Variants in PARP2 observed in about 807,000 individuals in gnomAD.
PARP2 encodes poly [ADP-ribose] polymerase 2.
A neutral mutation model predicts 77.8 loss-of-function variants in PARP2; 57 were observed. The observed-to-expected ratio is 0.73, with a 90% CI of 0.59 to 0.91. PARP2 has a LOEUF of 0.91. Among genes scored for constraint, PARP2 ranks in the 40% least tolerant of loss-of-function variants. The probability of loss-of-function intolerance (pLI) is 0.00; values close to 1 mark genes in which losing one functional copy is unlikely to be tolerated. For missense variants in PARP2, 651 were observed against 689.0 expected (o/e 0.94, Z 0.62); for synonymous variants, 226 against 242.6 (o/e 0.93, Z 0.64).
At position 20,356,613 on chromosome 14, in the gene PARP2, G is replaced by A; in HGVS notation, c.1253G>A (p.Arg418Lys). 6.2e-7 allele frequency: 1 copy of A among 1,614,116 alleles called. No individual in the cohort carries two copies. The highest frequency in any genetic ancestry group is 1.1e-5 in the South Asian group (1 of 91,074). The change falls in exon 13 of 16, where the codon AGG (arginine) becomes AAG (lysine). Residue 418 changes from arginine to lysine, a missense_variant. Transcript: ENST00000429687. ...HNRMLLWHGS[R>K]MSNWVGILSH... ...AGGATGCTTCTATGGCATGGTTCCA[G>A]GATGAGTAACTGGGTGGGAATCTTG...
intron 4 of PARP2, among the ~76,000 whole-genome samples, chr14:20,348,757 C>T (rs541210507): frequency 3.5e-4 from 54 of 152,146 alleles, no homozygotes; most frequent in Admixed American, 1.1e-3. Context: ...CAGTGGCTCA[C>T]GCCTGTAATC....
chr14:20,357,879 T>G lies in PARP2; in HGVS notation c.*82T>G. On this transcript the variant is annotated 3_prime_UTR_variant, in exon 16 of 16. Transcript: ENST00000429687. ...TGTACTTGTGAATTTTGTGATATTTTATGTAATAAAAACTGTACAGGTCTA... is the reference window on the plus strand; with the variant it reads ...TGTACTTGTGAATTTTGTGATATTTGATGTAATAAAAACTGTACAGGTCTA... 1 of 1,336,788 alleles carries G rather than the reference T, an allele frequency of 7.5e-7. No homozygotes were observed. The highest frequency in any genetic ancestry group is 1.0e-6 in the Non-Finnish European group (1 of 953,236). The allele number at this position is 1,336,788 out of a possible 1,614,324, so 82.8% of individuals were successfully genotyped here.
At chr14:20,343,746 T>C (rs2138908794) in intron 1 of PARP2, 59 bp downstream of exon 1, 1 of 1,538,324 alleles carries the variant, frequency 6.5e-7, no homozygotes, top group Non-Finnish European at 8.9e-7. Context: ...AAAGGAACGA[T>C]GCCACCTACT....
intron 7 of PARP2, 79 bp from the exon 8 acceptor site, chr14:20,354,006 T>G: frequency 9.0e-7 from 1 of 1,109,436 alleles, no homozygotes; most frequent in Non-Finnish European, 1.3e-6. Flanking sequence ...AGCATTTACA[T>G]TGTATAATAT....
intron 11 of PARP2, 123 bp from the exon 12 acceptor site, chr14:20,356,184 C>A: frequency 7.1e-7 from 1 of 1,409,478 alleles, no homozygotes; most frequent in Non-Finnish European, 9.7e-7. Context: ...CTTTTCCTAG[C>A]TGCCTTGTAA....
In PARP2 at chr14:20,356,143, T is replaced by G. The variant is rs1414827818; in HGVS notation, c.1101+112T>G. The G allele has an allele frequency of 3.5e-6, 5 of 1,430,790 alleles. No individual in the cohort carries two copies. The Middle Eastern group carries it at 7.4e-4, about 211-fold the overall frequency. The allele number at this position is 1,430,790 out of a possible 1,614,324, so 88.6% of individuals were successfully genotyped here. A position where few individuals can be genotyped will look rare whatever the true frequency, so the allele number is the denominator to read the frequency against. On this transcript the variant is annotated intron_variant, in intron 11 of 15. Transcript: ENST00000429687. The stretch of plus-strand genomic sequence containing the variant: ...AGCAAATTGTCAATTAGGGCAGACT[T>G]TTTATGTACTAGGGATTTGGGAAGG...
intron 12 of PARP2, 65 bp downstream of exon 12, chr14:20,356,499 A>C: frequency 6.2e-7 from 1 of 1,610,038 alleles, no homozygotes; most frequent in South Asian, 1.1e-5. Context: ...TAGAACTTAT[A>C]AGAGGGAGTC....
At position 20,357,742 on chromosome 14, in the gene PARP2, A is replaced by G; in HGVS notation, c.1658A>G (p.Gln553Arg). 1 of 1,613,910 alleles carries G rather than the reference A, an allele frequency of 6.2e-7. No individual in the cohort carries two copies. The highest frequency in any genetic ancestry group is 2.2e-5 in the East Asian group (1 of 44,890). Residue 553 changes from glutamine to arginine, a missense_variant, in exon 16 of 16, where the codon CAG (glutamine) becomes CGG (arginine). Transcript: ENST00000429687. Reference protein sequence around the residue: ...YNEYIVYNPNQVRMRYLLKVQ... With the variant: ...YNEYIVYNPNRVRMRYLLKVQ... ...GAATATATTGTATATAACCCCAACC[A>G]GGTCCGTATGCGGTACCTTTTAAAG... is the stretch of plus-strand genomic sequence containing the variant.
intron 8 of PARP2, 121 bp from the exon 9 acceptor site, chr14:20,354,688 C>G: frequency 1.0e-6 from 1 of 959,610 alleles, no homozygotes; most frequent in Non-Finnish European, 1.6e-6. Flanking sequence ...GAGTGAGACC[C>G]CATCTTAAAA....
At chr14:20,347,384 A>T (rs565939173) in intron 4 of PARP2, among the ~76,000 whole-genome samples, 1 of 15,150 alleles carries the variant, frequency 6.6e-5, no homozygotes, top group African/African-American at 2.3e-4. Flanking sequence ...ATATATATAT[A>T]TATATATATA....
chr14:20,347,010 C>CT (rs201999457), intron 4 of PARP2, 97 bp downstream of exon 4: 63,652 of 504,720 alleles, frequency 0.13, 2,737 homozygotes, highest in African/African-American at 0.35. Flanking sequence ...TTTAAAGTCC[C>CT]TTTTTTTTTT....
At position 20,354,918 on chromosome 14, in the gene PARP2, A is replaced by G. The variant is rs1884089458; in HGVS notation, c.873A>G (p.Glu291=). 1 of 1,613,822 alleles carries G rather than the reference A, an allele frequency of 6.2e-7. No individual in the cohort carries two copies. Among genetic ancestry groups the G allele is most frequent in the Non-Finnish European group, 8.5e-7 (1 of 1,179,958 alleles). The change falls in exon 9 of 16, where the codon GAA becomes GAG. Residue 291 remains glutamate (E), a synonymous_variant. Transcript: ENST00000429687. ...GAGCTCTCATGGAAGCATGCAATGA[A>G]TTCTACACCAGGATTCCGCATGACT... ...HGRALMEACN[E]FYTRIPHDFG... is the part of the protein sequence containing the mutation.
At chr14:20,356,130 A>T in intron 11 of PARP2, 99 bp downstream of exon 11, 6 of 1,470,830 alleles carry the variant, frequency 4.1e-6, no homozygotes, top group Non-Finnish European at 5.6e-6. Context: ...CAAATTGTCA[A>T]TTAGGGCAGA....
At position 20,353,244 on chromosome 14, in the gene PARP2, G is replaced by GT. The variant is rs1884023265; in HGVS notation, c.601-836dup. ...CGTTTATTGTTTTTTTCGTTTTTTTGTTTTTGTTTTTTTTTGATACGGAGT... is the reference window on the plus strand; with the variant it reads ...CGTTTATTGTTTTTTTCGTTTTTTTGTTTTTTGTTTTTTTTTGATACGGAGT... On this transcript the variant is annotated intron_variant, in intron 7 of 15. Transcript: ENST00000429687. 3.3e-5 allele frequency among the ~76,000 whole-genome samples: 5 copies of GT among 150,746 alleles called. No homozygotes were observed. In the South Asian group the frequency reaches 1.1e-3, roughly 32 times the overall value.
rs1019876708 is a variant in PARP2, at chr14:20,357,227, C to G, written c.1428+78C>G. 3 of 1,347,114 alleles carry G rather than the reference C, an allele frequency of 2.2e-6. No individual in the cohort carries two copies. In the African/African-American group the frequency reaches 4.3e-5, roughly 19 times the overall value. The allele number at this position is 1,347,114 out of a possible 1,614,324, so 83.4% of individuals were successfully genotyped here. ...CGATGAGAAAAGTTTGACCCCAGAACCAAGAGGTTTACCTGGGATAGCTTG... is the reference window on the plus strand; with the variant it reads ...CGATGAGAAAAGTTTGACCCCAGAAGCAAGAGGTTTACCTGGGATAGCTTG... On this transcript the variant is annotated intron_variant, in intron 14 of 15. Coordinates refer to ENST00000429687, the MANE Select transcript of PARP2 (RefSeq NM_001042618.2).
rs1385890722 is a variant in PARP2 at position 20,344,911 on chromosome 14, G to C, written c.47-21G>C. Reference sequence around the variant, plus strand: ...GTATTCGGGTGTGTACTCATTCTTTGCTAATTTCCAAATTCTGTAGCATTA... The same window carrying C: ...GTATTCGGGTGTGTACTCATTCTTTCCTAATTTCCAAATTCTGTAGCATTA... On this transcript the variant is annotated intron_variant, in intron 1 of 15. Coordinates refer to ENST00000429687, the MANE Select transcript of PARP2 (RefSeq NM_001042618.2). 15 of 1,553,692 alleles carry C rather than the reference G, an allele frequency of 9.7e-6. No individual in the cohort carries two copies. In the East Asian group the frequency reaches 3.4e-4, roughly 35 times the overall value.
chr14:20,353,236 G>T (rs28663629), intron 7 of PARP2, among the ~76,000 whole-genome samples: 1 of 148,188 alleles, frequency 6.7e-6, no homozygotes, highest in East Asian at 2.0e-4. Context: ...TGTTTTTTTC[G>T]TTTTTTTGTT....
chr14:20,354,692 C>G, intron 8 of PARP2, 117 bp from the exon 9 acceptor site: 1 of 1,059,106 alleles, frequency 9.4e-7, no homozygotes, highest in East Asian at 2.4e-5. Context: ...GAGACCCCAT[C>G]TTAAAAACAG....
rs1247450894 is a variant in PARP2 at position 20,344,983 on chromosome 14, C to T, written c.98C>T (p.Ser33Phe). 1 of 1,613,906 alleles carries T rather than the reference C, an allele frequency of 6.2e-7. No homozygotes were observed. The highest frequency in any genetic ancestry group is 1.3e-5 in the African/African-American group (1 of 74,904). ...VNNGNTAPED[S>F]SPAKKTRRCQ... The stretch of plus-strand genomic sequence containing the variant: ...AATGGCAACACGGCTCCAGAAGACT[C>T]TTCCCCTGCCAAGAAAACTCGTAGA... The change falls in exon 2 of 16, where the codon TCT (serine) becomes TTT (phenylalanine). Residue 33 changes from serine to phenylalanine, a missense_variant. Physicochemically the swap from Ser to Phe is radical, Grantham distance 155. Transcript: ENST00000429687.
Sources: gnomAD v4.1 joint callset for allele counts (sites outside exome capture counted in the v4.1 genomes callset) on GRCh38, gnomAD v4.1.1 for gene constraint, MANE v1.5 for transcripts, NCBI Gene and HGNC (gene_info 2026-07-23, HGNC 2026-07-21) for gene names.